The following SLC41A3 variants were observed in gnomAD, a reference collection of about 807,000 sequenced individuals.
SLC41A3 encodes solute carrier family 41 member 3, also known as SLC41A1-like 2.
In SLC41A3, 44 loss-of-function variants were observed where a neutral mutation model predicts 45.4. The observed-to-expected ratio is 0.97, with a 90% CI of 0.76 to 1.25. The LOEUF (loss-of-function observed/expected upper bound fraction) is 1.25. SLC41A3 is among the 50% of genes most tolerant of loss of function. The pLI is 0.00. For synonymous variants in SLC41A3, 256 were observed against 252.4 expected (o/e 1.01, Z -0.13); for missense variants, 550 against 600.6 (o/e 0.92, Z 0.88).
chr3:126,052,856 G>A (rs987311965), intron 2 of SLC41A3, among the ~76,000 whole-genome samples: 1 of 151,974 alleles, frequency 6.6e-6, no homozygotes, highest in East Asian at 1.9e-4. Flanking sequence ...TCTCCCTTCC[G>A]CAGCTCGAGT....
At chr3:126,096,355 CA>C (rs1945601057) in intron 1 of SLC41A3, among the ~76,000 whole-genome samples, 2 of 151,602 alleles carry the variant, frequency 1.3e-5, no homozygotes, top group African/African-American at 4.9e-5. Flanking sequence ...ATTTGCAAAT[CA>C]AAAAAGGGGG....
intron 2 of SLC41A3, among the ~76,000 whole-genome samples, chr3:126,054,241 G>A (rs1164126257): frequency 1.3e-5 from 2 of 152,096 alleles, no homozygotes; most frequent in African/African-American, 2.4e-5. Context: ...AACAGTCAAC[G>A]CAAACCCACA....
At chr3:126,048,141 A>G (rs370631105) in intron 3 of SLC41A3, among the ~76,000 whole-genome samples, 7 of 152,348 alleles carry the variant, frequency 4.6e-5, no homozygotes, top group Middle Eastern at 3.4e-3. Context: ...CACCATCACT[A>G]GTTATTAGAA....
intron 3 of SLC41A3, among the ~76,000 whole-genome samples, chr3:126,039,258 T>C (rs1942418661): frequency 6.6e-6 from 1 of 152,240 alleles, no homozygotes; most frequent in Non-Finnish European, 1.5e-5. Context: ...ATAACTAAAC[T>C]ATAGAATGTA....
At chr3:126,066,442 T>A (rs1300530819) in intron 2 of SLC41A3, among the ~76,000 whole-genome samples, 1 of 152,310 alleles carries the variant, frequency 6.6e-6, no homozygotes, top group Non-Finnish European at 1.5e-5. Context: ...ATGCTTAATA[T>A]AACGCGTGAG....
chr3:126,056,767 T>C, intron 2 of SLC41A3: 3 of 1,390,362 alleles, frequency 2.2e-6, no homozygotes, highest in Non-Finnish European at 2.8e-6. Flanking sequence ...CCAGTGTGAC[T>C]CACGGCCTCA....
intron 2 of SLC41A3, chr3:126,056,823 G>A: frequency 7.8e-7 from 1 of 1,282,186 alleles, no homozygotes; most frequent in Non-Finnish European, 9.9e-7. Flanking sequence ...TGAAGGTCAG[G>A]CTCTCCTCAG....
chr3:126,044,585 A>G (rs1439043866), intron 3 of SLC41A3, among the ~76,000 whole-genome samples: 1 of 152,208 alleles, frequency 6.6e-6, no homozygotes, highest in East Asian at 1.9e-4. Flanking sequence ...CAGTCTTAAT[A>G]TATTTAAGAA....
chr3:126,089,043 A>G (rs1945443232), upstream of SLC41A3, among the ~76,000 whole-genome samples: 1 of 152,204 alleles, frequency 6.6e-6, no homozygotes, highest in Admixed American at 6.5e-5. Flanking sequence ...CAAGTGAAAC[A>G]AGCACCTCAG....
intron 3 of SLC41A3, among the ~76,000 whole-genome samples, chr3:126,035,439 G>C (rs557901982): frequency 2.6e-5 from 4 of 152,298 alleles, no homozygotes; most frequent in Admixed American, 1.3e-4. Flanking sequence ...CTGCGGGTTT[G>C]GGTGGAGGAA....
chr3:126,016,322 C>T (rs1445912757), intron 7 of SLC41A3, among the ~76,000 whole-genome samples: 2 of 152,204 alleles, frequency 1.3e-5, no homozygotes, highest in South Asian at 2.1e-4. Flanking sequence ...ACCAGGAGGA[C>T]GAGTGAGTCA....
chr3:126,055,284 G>A (rs1301696312), intron 2 of SLC41A3, among the ~76,000 whole-genome samples: 3 of 152,134 alleles, frequency 2.0e-5, no homozygotes, highest in South Asian at 4.2e-4. Context: ...GGAGGCTGAG[G>A]TGGGTGGATC....
At chr3:126,030,846 A>C (rs536297779) in intron 4 of SLC41A3, among the ~76,000 whole-genome samples, 1 of 152,224 alleles carries the variant, frequency 6.6e-6, no homozygotes, top group Non-Finnish European at 1.5e-5. Context: ...TATGTGAGAA[A>C]ATGGTTCTCT....
At position 126,012,669 on chromosome 3, in the gene SLC41A3, G is replaced by A. The variant is rs201222762; in HGVS notation, c.1051C>T (p.Pro351Ser). The A allele has an allele frequency of 6.2e-7, 1 of 1,614,208 alleles. No homozygotes were observed. Among genetic ancestry groups the A allele is most frequent in the East Asian group, 2.2e-5 (1 of 44,886 alleles). ...GGCCAGAATTTCTTCATCTGGAGGG[G>A]CAGGACGCCAGGTGCACTCCACATG... is the stretch of plus-strand genomic sequence containing the variant. ...LHMWSAPGVLPLQMKKFWPNP... is the reference protein window; with the variant it reads ...LHMWSAPGVLSLQMKKFWPNP... Residue 351 changes from proline (P) to serine (S), a missense_variant, in exon 9 of 11, where the codon CCC becomes TCC. By Grantham distance (74) the Pro-to-Ser change is moderately conservative (BLOSUM62 -1). Coordinates refer to ENST00000360370, the MANE Select transcript of SLC41A3 (RefSeq NM_017836.4).
intron 6 of SLC41A3, among the ~76,000 whole-genome samples, chr3:126,017,753 G>T (rs1202803395): frequency 6.6e-6 from 1 of 152,156 alleles, no homozygotes; most frequent in Non-Finnish European, 1.5e-5. Context: ...CTCCCTCTCT[G>T]GGGGTGTTAT....
chr3:126,015,088 T>C (rs575934330), intron 8 of SLC41A3, among the ~76,000 whole-genome samples: 5 of 152,318 alleles, frequency 3.3e-5, no homozygotes, highest in African/African-American at 9.6e-5. Flanking sequence ...ATCTGAGTTC[T>C]GATGTCAGCA....
At position 126,006,861 on chromosome 3, in the gene SLC41A3, C is replaced by G; in HGVS notation, c.*155G>C. On this transcript the variant is annotated 3_prime_UTR_variant, in exon 11 of 11. Coordinates refer to ENST00000360370, the MANE Select transcript of SLC41A3 (RefSeq NM_017836.4). The stretch of plus-strand genomic sequence containing the variant: ...CAGGCTCAGGTATCAACCCCAGAGC[C>G]GAGGTGTGTGAGAGCTACCTTAGCA... 1 of 1,488,832 alleles carries G rather than the reference C, an allele frequency of 6.7e-7. No homozygotes were observed. Among genetic ancestry groups the G allele is most frequent in the Non-Finnish European group, 8.9e-7 (1 of 1,126,078 alleles). 92.2% of individuals were successfully genotyped at this position (1,488,832 alleles called of 1,614,324 possible).
At chr3:126,025,872 T>C (rs1431994040) in intron 5 of SLC41A3, 1 of 154,284 alleles carries the variant, frequency 6.5e-6, no homozygotes, top group Non-Finnish European at 1.4e-5. Context: ...AAGGCCTCTC[T>C]GAAGACATGA....
intron 4 of SLC41A3, among the ~76,000 whole-genome samples, chr3:126,028,190 G>T (rs563879240): frequency 1.3e-5 from 2 of 152,326 alleles, no homozygotes; most frequent in African/African-American, 4.8e-5. Context: ...ATAGGAAAAG[G>T]CCTAGAAGAC....
Sources: allele counts gnomAD v4.1 joint callset (sites outside exome capture counted in the v4.1 genomes callset), GRCh38; gene constraint gnomAD v4.1.1; transcripts MANE v1.5; gene names NCBI Gene and HGNC (gene_info 2026-07-23, HGNC 2026-07-21).